Variants in SIPA1L2 observed in about 807,000 individuals in gnomAD.
The protein encoded by SIPA1L2 is signal induced proliferation associated 1 like 2, also known as signal-induced proliferation-associated 1-like protein 2.
Under a neutral mutation model 163.9 loss-of-function variants are expected in SIPA1L2, and 56 were observed. The ratio of observed to expected loss-of-function variants is 0.34; its 90% CI spans 0.28 to 0.43. The LOEUF is 0.43. SIPA1L2 is among the 20% of genes least tolerant of loss of function. The pLI, the probability that SIPA1L2 is intolerant of heterozygous loss-of-function variation, is 1.00. For missense variants in SIPA1L2, 1,974 were observed against 2,193.5 expected, an observed-to-expected ratio of 0.90 and a Z score of 2.00; for synonymous variants, 877 against 865.7, an observed-to-expected ratio of 1.01 and a Z score of -0.23.
At chr1:232,439,526 C>A (rs771988514) in intron 14 of SIPA1L2, 30 bp from the exon 15 acceptor site, 1 of 1,587,596 alleles carries the variant, frequency 6.3e-7, no homozygotes, top group South Asian at 1.2e-5. Flanking sequence ...AGAGAGTTCT[C>A]AAGTGAATCT....
chr1:232,575,900 G>A (rs1270503416), intron 1 of SIPA1L2, among the ~76,000 whole-genome samples: 2 of 152,286 alleles, frequency 1.3e-5, no homozygotes, highest in South Asian at 2.1e-4. Context: ...AAGATACCAC[G>A]CTAAGCAAAT....
intron 19 of SIPA1L2, among the ~76,000 whole-genome samples, chr1:232,415,190 A>G (rs1159419801): frequency 6.6e-6 from 1 of 152,192 alleles, no homozygotes; most frequent in Non-Finnish European, 1.5e-5. Context: ...TCTCCATACA[A>G]TCACCTCTAC....
chr1:232,443,687 T>C lies in SIPA1L2; in HGVS notation c.3354-2A>G, dbSNP rs567413587. 8 of 1,607,536 alleles carry C rather than the reference T, an allele frequency of 5.0e-6. No homozygotes were observed. In the African/African-American group the frequency reaches 9.4e-5, roughly 19 times the overall value. On this transcript the variant is annotated splice_acceptor_variant, in intron 11 of 22. Coordinates refer to ENST00000674635, the MANE Select transcript of SIPA1L2 (RefSeq NM_020808.5). LOFTEE classifies it high-confidence loss of function. ...GATGACTGGTTGCTGGGTGAGCTTC[T>C]GAAAGGTTGAGTAGAATCATTAACA...
chr1:232,613,653 C>G (rs1662362754), intron 1 of SIPA1L2, among the ~76,000 whole-genome samples: 1 of 149,836 alleles, frequency 6.7e-6, no homozygotes, highest in Non-Finnish European at 1.5e-5. Context: ...TAGAAGGATC[C>G]AGTTTTTAGA....
At chr1:232,491,087 C>T (rs751277998) in intron 4 of SIPA1L2, 25 bp from the exon 5 acceptor site, 28 of 1,591,718 alleles carry the variant, frequency 1.8e-5, no homozygotes, top group South Asian at 7.9e-5. Context: ...CATAAGACTT[C>T]GGTTAATATT....
intron 18 of SIPA1L2, among the ~76,000 whole-genome samples, chr1:232,422,918 G>T (rs780081222): frequency 1.3e-5 from 2 of 152,184 alleles, no homozygotes; most frequent in Non-Finnish European, 2.9e-5. Context: ...AGAAACCATA[G>T]AAAGAAGAGG....
chr1:232,407,265 T>A (rs952856836), intron 19 of SIPA1L2, among the ~76,000 whole-genome samples: 1 of 151,144 alleles, frequency 6.6e-6, no homozygotes, highest in African/African-American at 2.4e-5. Flanking sequence ...GTAGTCATTT[T>A]TCTTTCCATT....
chr1:232,460,310 G>A (rs1354613534), intron 10 of SIPA1L2, among the ~76,000 whole-genome samples: 2 of 152,004 alleles, frequency 1.3e-5, no homozygotes, highest in African/African-American at 2.4e-5. Flanking sequence ...AAGTCTAGCC[G>A]TTCCTTTTCA....
intron 18 of SIPA1L2, among the ~76,000 whole-genome samples, chr1:232,420,438 C>T (rs962724247): frequency 3.9e-5 from 6 of 152,276 alleles, no homozygotes; most frequent in Middle Eastern, 3.4e-3. Flanking sequence ...CTCAGTTGTA[C>T]GGTTTTATAC....
intron 16 of SIPA1L2, among the ~76,000 whole-genome samples, chr1:232,430,828 C>T (rs1050684865): frequency 1.4e-4 from 21 of 152,190 alleles, no homozygotes; most frequent in Non-Finnish European, 2.6e-4. Context: ...TACCCAAGAG[C>T]ATGTGTGGGG....
At chr1:232,430,482 T>C (rs1042095956) in intron 16 of SIPA1L2, among the ~76,000 whole-genome samples, 4 of 152,268 alleles carry the variant, frequency 2.6e-5, no homozygotes, top group Admixed American at 6.5e-5. Context: ...AACTGATTTC[T>C]TCTTCAGTGC....
At chr1:232,620,695 G>A (rs1329694853) in intron 1 of SIPA1L2, among the ~76,000 whole-genome samples, 1 of 152,190 alleles carries the variant, frequency 6.6e-6, no homozygotes, top group Non-Finnish European at 1.5e-5. Flanking sequence ...CAATGATTGC[G>A]TCAGAGCTAT....
At chr1:232,613,466 T>G (rs182078488) in intron 1 of SIPA1L2, among the ~76,000 whole-genome samples, 1 of 152,226 alleles carries the variant, frequency 6.6e-6, no homozygotes, top group Non-Finnish European at 1.5e-5. Flanking sequence ...ACTTTTATTA[T>G]GGAGTCAAGG....
intron 2 of SIPA1L2, among the ~76,000 whole-genome samples, chr1:232,525,877 G>A (rs1367450563): frequency 1.3e-5 from 2 of 152,138 alleles, no homozygotes; most frequent in African/African-American, 2.4e-5. Flanking sequence ...GCAAGCAGAC[G>A]CCTGGATAGG....
intron 1 of SIPA1L2, among the ~76,000 whole-genome samples, chr1:232,618,848 C>T (rs2102885900): frequency 6.6e-6 from 1 of 152,242 alleles, no homozygotes; most frequent in African/African-American, 2.4e-5. Context: ...ACCAAAACGT[C>T]ATTTATATCT....
At chr1:232,587,621 T>C (rs1660741357) in intron 1 of SIPA1L2, among the ~76,000 whole-genome samples, 1 of 152,216 alleles carries the variant, frequency 6.6e-6, no homozygotes, top group African/African-American at 2.4e-5. Flanking sequence ...CTGTACTTAC[T>C]AGCTGTCATC....
chr1:232,608,051 A>AAAAAAAAAAAAAC (rs1558301922), intron 1 of SIPA1L2, among the ~76,000 whole-genome samples: 1 of 131,866 alleles, frequency 7.6e-6, no homozygotes, highest in Non-Finnish European at 1.6e-5. Flanking sequence ...CCATCTCAAA[A>AAAAAAAAAAAAAC]AAAAAAAAAA....
At chr1:232,401,537 C>T (rs1660341196) in intron 22 of SIPA1L2, among the ~76,000 whole-genome samples, 1 of 152,284 alleles carries the variant, frequency 6.6e-6, no homozygotes, top group African/African-American at 2.4e-5. Context: ...ACATCTCTGT[C>T]TGGACCCTGT....
intron 9 of SIPA1L2, among the ~76,000 whole-genome samples, chr1:232,461,791 G>C (rs60293328): frequency 0.01 from 1,573 of 152,310 alleles, 31 homozygotes; most frequent in African/African-American, 0.036. Context: ...CTACGCACCA[G>C]CCCTAGGGAC....
Sources: allele counts gnomAD v4.1 joint callset (sites outside exome capture counted in the v4.1 genomes callset), GRCh38; gene constraint gnomAD v4.1.1; transcripts MANE v1.5; gene names NCBI Gene and HGNC (gene_info 2026-07-23, HGNC 2026-07-21).